The following PREP variants were observed in gnomAD, a reference collection of about 807,000 sequenced individuals.
PREP encodes the protein dJ355L5.1 (prolyl endopeptidase).
A neutral mutation model predicts 87.6 loss-of-function variants in PREP; 29 were observed. The ratio of observed to expected loss-of-function variants is 0.33; its 90% CI spans 0.25 to 0.45. PREP has a LOEUF of 0.45. PREP is among the 20% of genes least tolerant of loss of function. The pLI is 1.00. For synonymous variants in PREP, 337 were observed against 328.6 expected (o/e 1.03, Z -0.28); for missense variants, 695 against 886.5 (o/e 0.78, Z 2.74).
chr6:105,285,448 T>G, intron 12 of PREP, 38 bp downstream of exon 12: 1 of 1,565,354 alleles, frequency 6.4e-7, no homozygotes, highest in Non-Finnish European at 8.8e-7. Context: ...TAGCTTTGAT[T>G]ATGTCAGACT....
intron 10 of PREP, among the ~76,000 whole-genome samples, chr6:105,291,197 G>C (rs964987800): frequency 6.6e-6 from 1 of 152,206 alleles, no homozygotes; most frequent in Non-Finnish European, 1.5e-5. Flanking sequence ...CCTTGCCTTC[G>C]TGTGGATGGC....
At chr6:105,340,291 T>C (rs1210752611) in intron 7 of PREP, among the ~76,000 whole-genome samples, 1 of 152,132 alleles carries the variant, frequency 6.6e-6, no homozygotes, top group Admixed American at 6.5e-5. Flanking sequence ...GCAGCCAAAC[T>C]AAGCTTCATA....
chr6:105,384,588 C>A (rs1369439740), intron 2 of PREP, among the ~76,000 whole-genome samples: 2 of 152,164 alleles, frequency 1.3e-5, no homozygotes, highest in Non-Finnish European at 2.9e-5. Flanking sequence ...TATAAGTAAA[C>A]CCTGTTCATT....
At chr6:105,361,392 G>C (rs1200663948) in intron 6 of PREP, among the ~76,000 whole-genome samples, 1 of 152,056 alleles carries the variant, frequency 6.6e-6, no homozygotes, top group Non-Finnish European at 1.5e-5. Flanking sequence ...TCGTGTGGTG[G>C]TGTATTAATA....
intron 7 of PREP, among the ~76,000 whole-genome samples, chr6:105,350,772 T>C (rs1312910337): frequency 1.3e-5 from 2 of 152,188 alleles, no homozygotes; most frequent in Non-Finnish European, 2.9e-5. Flanking sequence ...AGGGCCACCA[T>C]TCAAAAGAAT....
chr6:105,369,769 A>G (rs1035244147), intron 5 of PREP, among the ~76,000 whole-genome samples: 4 of 152,208 alleles, frequency 2.6e-5, no homozygotes, highest in Non-Finnish European at 4.4e-5. Context: ...AAAACATAAA[A>G]CTATAAAATT....
At chr6:105,289,780 C>G (rs1770257864) in intron 10 of PREP, among the ~76,000 whole-genome samples, 1 of 152,184 alleles carries the variant, frequency 6.6e-6, no homozygotes, top group Non-Finnish European at 1.5e-5. Flanking sequence ...CAAACAACCC[C>G]TGGAAAGTGC....
chr6:105,278,515 T>C lies in PREP; in HGVS notation c.1839-77A>G. On this transcript the variant is annotated intron_variant, in intron 14 of 14. Transcript: ENST00000652536. This position sits in a 1 kb window ranked among gnomAD's most constrained non-coding sequence, Gnocchi z 4.2. ...TGGCACAGGGACCTAGGTAGTTAAT[T>C]AGCAGTGAGGACTGCAGTTAACTAG... The C allele has an allele frequency of 1.4e-6, 2 of 1,432,554 alleles. No individual in the cohort carries two copies. The highest frequency in any genetic ancestry group is 1.3e-5 in the South Asian group (1 of 76,454). The allele number at this position is 1,432,554 out of a possible 1,614,324, so 88.7% of individuals were successfully genotyped here.
rs1770818101 is a variant in PREP, at chr6:105,314,355, G to C, written c.1317+9310C>G. Among the ~76,000 whole-genome samples the C allele has an allele frequency of 5.3e-5, 8 of 152,274 alleles. No homozygotes were observed. In the South Asian group the frequency reaches 1.7e-3, roughly 32 times the overall value. ...ACTCCTCCTTTCATGAAAGACTTCT[G>C]TAACATGCAATGCTGTTTGATAGCA... On this transcript the variant is annotated intron_variant, in intron 10 of 14. Coordinates refer to ENST00000652536, the MANE Select transcript of PREP (RefSeq NM_002726.5).
intron 10 of PREP, among the ~76,000 whole-genome samples, chr6:105,310,146 G>C (rs769440076): frequency 6.6e-6 from 1 of 152,202 alleles, no homozygotes; most frequent in Non-Finnish European, 1.5e-5. Flanking sequence ...AGAGTGGGAA[G>C]ATGTAAACCA....
At chr6:105,375,975 A>G (rs1454029844) in intron 4 of PREP, 150 bp downstream of exon 4, 1 of 906,026 alleles carries the variant, frequency 1.1e-6, no homozygotes, top group African/African-American at 1.7e-5. Flanking sequence ...ATACTGTGCA[A>G]AAATTAGCTT....
At chr6:105,314,679 C>T (rs1226063701) in intron 10 of PREP, among the ~76,000 whole-genome samples, 2 of 152,152 alleles carry the variant, frequency 1.3e-5, no homozygotes, top group Non-Finnish European at 2.9e-5. Context: ...GTGACTTCCC[C>T]CATAGAGGTC....
chr6:105,311,355 C>T (rs948933905), intron 10 of PREP, among the ~76,000 whole-genome samples: 1 of 152,194 alleles, frequency 6.6e-6, no homozygotes, highest in Non-Finnish European at 1.5e-5. Flanking sequence ...CCACTCCCCC[C>T]TTACTCACTG....
intron 2 of PREP, among the ~76,000 whole-genome samples, chr6:105,378,067 C>G (rs1772735106): frequency 6.6e-6 from 1 of 152,186 alleles, no homozygotes; most frequent in African/African-American, 2.4e-5. Flanking sequence ...GTTAGGGATA[C>G]CCAGGCGCTA....
chr6:105,397,703 G>C (rs921613057), intron 2 of PREP, 150 bp downstream of exon 2: 2 of 581,358 alleles, frequency 3.4e-6, no homozygotes, highest in African/African-American at 3.7e-5. Context: ...TAAATTATTT[G>C]ACAAAAAGTA....
intron 2 of PREP, among the ~76,000 whole-genome samples, chr6:105,381,748 AAAAGC>A (rs1772844190): frequency 6.6e-6 from 1 of 152,238 alleles, no homozygotes. Flanking sequence ...TAGAAAGCTT[AAAAGC>A]AAAGCAAAGC....
At position 105,323,890 on chromosome 6, in the gene PREP, G is replaced by C. The variant is rs933979541; in HGVS notation, c.1214-122C>G. 3 of 827,040 alleles carry C rather than the reference G, an allele frequency of 3.6e-6. No homozygotes were observed. The South Asian group carries it at 4.5e-5, about 13-fold the overall frequency. The allele number at this position is 827,040 out of a possible 1,614,324, so 51.2% of individuals were successfully genotyped here. ...GAGAGGATCATTTATCAGGGACTTG[G>C]TTAATCCCCACCACAGTCGAAGGCT... On this transcript the variant is annotated intron_variant, in intron 9 of 14. Transcript: ENST00000652536.
intron 10 of PREP, among the ~76,000 whole-genome samples, chr6:105,294,224 T>C (rs1288033718): frequency 6.6e-6 from 1 of 152,224 alleles, no homozygotes; most frequent in Non-Finnish European, 1.5e-5. Flanking sequence ...GAGATTCTGA[T>C]ACGACAGGTC....
chr6:105,317,155 G>C (rs751186447), intron 10 of PREP, among the ~76,000 whole-genome samples: 2 of 151,762 alleles, frequency 1.3e-5, no homozygotes, highest in Non-Finnish European at 2.9e-5. Flanking sequence ...ATGGAGTCTT[G>C]CTATGTTACC....
Sources: allele counts gnomAD v4.1 joint callset (sites outside exome capture counted in the v4.1 genomes callset), GRCh38; gene constraint gnomAD v4.1.1; non-coding constraint Gnocchi (gnomAD v3.1); transcripts MANE v1.5; gene names NCBI Gene and HGNC (gene_info 2026-07-23, HGNC 2026-07-21).